The following FAM171A1 variants were observed in gnomAD, a reference collection of about 807,000 sequenced individuals.
FAM171A1 encodes the protein protein FAM171A1.
A neutral mutation model predicts 74.9 loss-of-function variants in FAM171A1; 23 were observed. That is an observed-to-expected ratio of 0.31 (90% CI 0.22 to 0.44). The LOEUF (loss-of-function observed/expected upper bound fraction) is 0.44. Among genes scored for constraint, FAM171A1 ranks in the 20% least tolerant of loss-of-function variants. The pLI is 1.00. For missense variants in FAM171A1, 1,162 were observed against 1,159.2 expected, an observed-to-expected ratio of 1.00 and a Z score of -0.03; for synonymous variants, 527 against 505.7, an observed-to-expected ratio of 1.04 and a Z score of -0.57.
At chr10:15,299,274 C>G (rs1288099271) in intron 1 of FAM171A1, among the ~76,000 whole-genome samples, 2 of 152,112 alleles carry the variant, frequency 1.3e-5, no homozygotes, top group African/African-American at 4.8e-5. Context: ...TTATGAGAAT[C>G]TGGAAGAATC....
chr10:15,262,761 G>A (rs535722390), intron 3 of FAM171A1, among the ~76,000 whole-genome samples: 77 of 152,344 alleles, frequency 5.1e-4, no homozygotes, highest in Non-Finnish European at 8.8e-4. Context: ...TAGAAGAGAT[G>A]AAAGGCTCAG....
At chr10:15,358,133 GC>G (rs1835954339) in intron 1 of FAM171A1, among the ~76,000 whole-genome samples, 1 of 151,934 alleles carries the variant, frequency 6.6e-6, no homozygotes, top group Non-Finnish European at 1.5e-5. Flanking sequence ...CTGCCACCAT[GC>G]CCAGCTAATT....
chr10:15,287,151 G>C (rs573283889), intron 1 of FAM171A1, among the ~76,000 whole-genome samples: 307 of 145,456 alleles, frequency 2.1e-3, no homozygotes, highest in Non-Finnish European at 3.7e-3. Flanking sequence ...GAGTGCAGTG[G>C]TGCGATCTCG....
chr10:15,302,283 G>A (rs1835239078), intron 1 of FAM171A1, among the ~76,000 whole-genome samples: 1 of 152,090 alleles, frequency 6.6e-6, no homozygotes, highest in South Asian at 2.1e-4. Flanking sequence ...GGTCAACATG[G>A]TGAAACCCGT....
intron 5 of FAM171A1, among the ~76,000 whole-genome samples, chr10:15,223,959 C>T (rs555968400): frequency 8.5e-5 from 13 of 152,272 alleles, no homozygotes; most frequent in African/African-American, 2.9e-4. Context: ...TGGGACAAGC[C>T]TAGTGGGTGA....
intron 1 of FAM171A1, among the ~76,000 whole-genome samples, chr10:15,299,921 T>C (rs1878622): frequency 0.69 from 104,967 of 151,454 alleles, 36,590 homozygotes; most frequent in East Asian, 0.92. Flanking sequence ...GAGCTTGCAG[T>C]GAACCGAGCT....
chr10:15,347,376 G>A (rs546072040), intron 1 of FAM171A1, among the ~76,000 whole-genome samples: 1 of 152,200 alleles, frequency 6.6e-6, no homozygotes, highest in Non-Finnish European at 1.5e-5. Flanking sequence ...GTCGGAAATC[G>A]ATGCAGTCTG....
chr10:15,349,863 C>A (rs1835858242), intron 1 of FAM171A1, among the ~76,000 whole-genome samples: 1 of 152,014 alleles, frequency 6.6e-6, no homozygotes, highest in South Asian at 2.1e-4. Context: ...AGAGATCAGC[C>A]ACAAAGACAA....
intron 1 of FAM171A1, among the ~76,000 whole-genome samples, chr10:15,362,223 G>T (rs1414404971): frequency 2.0e-5 from 3 of 152,202 alleles, no homozygotes; most frequent in East Asian, 3.8e-4. Context: ...GATTCCCAGT[G>T]ACGATGAAAA....
At chr10:15,329,695 T>C (rs574448056) in intron 1 of FAM171A1, among the ~76,000 whole-genome samples, 1 of 150,674 alleles carries the variant, frequency 6.6e-6, no homozygotes, top group South Asian at 2.1e-4. Flanking sequence ...CAGGGAATGC[T>C]GGGGACAGGG....
chr10:15,240,177 A>G (rs1232808297), intron 5 of FAM171A1, among the ~76,000 whole-genome samples: 1 of 152,204 alleles, frequency 6.6e-6, no homozygotes, highest in African/African-American at 2.4e-5. Flanking sequence ...CCTGGTCAAC[A>G]TGGTGAAACC....
At chr10:15,350,742 G>A (rs902027883) in intron 1 of FAM171A1, among the ~76,000 whole-genome samples, 10 of 145,770 alleles carry the variant, frequency 6.9e-5, no homozygotes, top group South Asian at 2.2e-4. Flanking sequence ...AGGTTCGAGC[G>A]ATCGATACTC....
At chr10:15,242,796 A>G (rs1262127389) in intron 5 of FAM171A1, among the ~76,000 whole-genome samples, 1 of 152,186 alleles carries the variant, frequency 6.6e-6, no homozygotes. Flanking sequence ...GTCTCAAAAA[A>G]AAAAGGAAGC....
chr10:15,352,410 G>A (rs1269410736), intron 1 of FAM171A1, among the ~76,000 whole-genome samples: 1 of 152,142 alleles, frequency 6.6e-6, no homozygotes, highest in Non-Finnish European at 1.5e-5. Flanking sequence ...ATAAAACGTT[G>A]TCTAATGAGT....
chr10:15,339,195 A>T (rs1835736113), intron 1 of FAM171A1, among the ~76,000 whole-genome samples: 1 of 152,256 alleles, frequency 6.6e-6, no homozygotes, highest in South Asian at 2.1e-4. Context: ...CAGAGACAAC[A>T]CTGAGAATTC....
intron 6 of FAM171A1, among the ~76,000 whole-genome samples, chr10:15,220,497 A>T (rs1432774135): frequency 6.6e-6 from 1 of 152,240 alleles, no homozygotes; most frequent in East Asian, 1.9e-4. Context: ...GTAGATACAA[A>T]GCAACTGGTT....
intron 3 of FAM171A1, among the ~76,000 whole-genome samples, chr10:15,273,697 G>A (rs1834857024): frequency 6.6e-6 from 1 of 152,120 alleles, no homozygotes; most frequent in Admixed American, 6.5e-5. Flanking sequence ...TGATCAAGTT[G>A]GCTTCATCTC....
intron 3 of FAM171A1, among the ~76,000 whole-genome samples, chr10:15,267,484 T>C (rs1380253141): frequency 1.3e-5 from 2 of 151,024 alleles, no homozygotes; most frequent in East Asian, 3.9e-4. Flanking sequence ...GTGTGTGTAG[T>C]CCCAGCTACT....
At chr10:15,258,512 T>C (rs1189306298) in intron 3 of FAM171A1, among the ~76,000 whole-genome samples, 2 of 152,228 alleles carry the variant, frequency 1.3e-5, no homozygotes, top group Non-Finnish European at 2.9e-5. Flanking sequence ...ATACTCATTT[T>C]TTCCCCAGTC....
Sources: allele counts gnomAD v4.1 joint callset (sites outside exome capture counted in the v4.1 genomes callset), GRCh38; gene constraint gnomAD v4.1.1; transcripts MANE v1.5; gene names NCBI Gene and HGNC (gene_info 2026-07-23, HGNC 2026-07-21).